LRPAP1: variants seen among roughly 807,000 people sequenced by gnomAD.
LRPAP1 encodes alpha-2-macroglobulin receptor-associated protein.
Under a neutral mutation model 39.9 loss-of-function variants are expected in LRPAP1, and 41 were observed. The observed-to-expected ratio is 1.03, with a 90% CI of 0.80 to 1.33. The LOEUF is 1.33. LRPAP1 is among the 40% of genes most tolerant of loss of function. The pLI is 0.00. For missense variants in LRPAP1, 565 were observed against 482.3 expected (o/e 1.17, Z -1.61); for synonymous variants, 263 against 212.7 (o/e 1.24, Z -2.06).
intron 1 of LRPAP1, among the ~76,000 whole-genome samples, chr4:3,530,690 C>A (rs752740404): frequency 5.3e-5 from 8 of 152,074 alleles, no homozygotes; most frequent in African/African-American, 1.4e-4. Flanking sequence ...GGTAGCTGGA[C>A]CAGTGCAGGG....
chr4:3,526,506 C>G (rs1197673125), intron 1 of LRPAP1, among the ~76,000 whole-genome samples: 2 of 152,240 alleles, frequency 1.3e-5, no homozygotes, highest in Non-Finnish European at 2.9e-5. Context: ...TTACGTAAAA[C>G]AGTGAACATC....
chr4:3,529,149 C>G (rs998279528), intron 1 of LRPAP1, among the ~76,000 whole-genome samples: 5 of 151,958 alleles, frequency 3.3e-5, no homozygotes, highest in African/African-American at 9.7e-5. Flanking sequence ...ATGGTGAAAC[C>G]CCGTCTCTAC....
chr4:3,517,932 G>C, intron 5 of LRPAP1, 102 bp downstream of exon 5: 1 of 1,435,482 alleles, frequency 7.0e-7, no homozygotes, highest in Non-Finnish European at 9.3e-7. Context: ...TGCGTCCACA[G>C]GCCCAGGTTC....
At chr4:3,532,145 C>A in intron 1 of LRPAP1, 64 bp downstream of exon 1, 1 of 1,527,356 alleles carries the variant, frequency 6.5e-7, no homozygotes, top group Non-Finnish European at 8.8e-7. Context: ...GGGCCCCGCT[C>A]CAACGACCCC....
At chr4:3,524,437 C>T (rs571188862) in intron 2 of LRPAP1, among the ~76,000 whole-genome samples, 38 of 152,350 alleles carry the variant, frequency 2.5e-4, no homozygotes, top group Admixed American at 5.9e-4. Context: ...GTGACAGAGC[C>T]TCCTGCTGTC....
intron 2 of LRPAP1, among the ~76,000 whole-genome samples, chr4:3,523,743 T>C (rs1729992450): frequency 6.6e-6 from 1 of 152,212 alleles, no homozygotes; most frequent in Non-Finnish European, 1.5e-5. Context: ...CTGCAATGCC[T>C]GAGGCCATCA....
intron 1 of LRPAP1, among the ~76,000 whole-genome samples, chr4:3,526,235 AG>A (rs139433137): frequency 0.019 from 2,908 of 152,076 alleles, 58 homozygotes; most frequent in Non-Finnish European, 0.023. Context: ...CCCTTCCCTG[AG>A]CACCTGCATT....
intron 1 of LRPAP1, among the ~76,000 whole-genome samples, chr4:3,526,030 G>C (rs1730070843): frequency 6.6e-6 from 1 of 152,268 alleles, no homozygotes; most frequent in African/African-American, 2.4e-5. Flanking sequence ...TGGCCCAGCT[G>C]TGTGAACCAG....
chr4:3,526,866 C>T (rs918738862), intron 1 of LRPAP1, among the ~76,000 whole-genome samples: 8 of 152,212 alleles, frequency 5.3e-5, no homozygotes, highest in African/African-American at 1.9e-4. Context: ...CTCAGAAGCC[C>T]AGCCTGACTC....
rs1306667665 is a variant in LRPAP1 at position 3,504,045 on chromosome 4, A to G, written c.*8929T>C. 1.3e-5 allele frequency: 2 copies of G among 152,470 alleles called. No homozygotes were observed. Among genetic ancestry groups the G allele is most frequent in the Non-Finnish European group, 2.9e-5 (2 of 68,232 alleles). The allele number at this position is 152,470 out of a possible 1,614,324, so 9.4% of individuals were successfully genotyped here. A position where few individuals can be genotyped will look rare whatever the true frequency, so the allele number is the denominator to read the frequency against. ...CCAGGCTCCAGCCCAGCCTCAGGTG[A>G]GAGTGAAGGGAGCACCTATCTGCAG... On this transcript the variant is annotated 3_prime_UTR_variant, in exon 8 of 8. Transcript: ENST00000650182.
At chr4:3,520,305 T>A in intron 2 of LRPAP1, 112 bp from the exon 3 acceptor site, 1 of 1,135,262 alleles carries the variant, frequency 8.8e-7, no homozygotes, top group Non-Finnish European at 1.3e-6. Context: ...CATTTTCCAG[T>A]AGTTTCCTTT....
At chr4:3,518,468 T>G (rs965225562) in intron 4 of LRPAP1, among the ~76,000 whole-genome samples, 2 of 152,220 alleles carry the variant, frequency 1.3e-5, no homozygotes, top group Admixed American at 6.5e-5. Flanking sequence ...TCTGGACCCC[T>G]GCCCTGCCCC....
In LRPAP1 at chr4:3,504,382, G is replaced by C. The variant is rs944800784; in HGVS notation, c.*8592C>G. 11 of 152,260 alleles carry C rather than the reference G, an allele frequency of 7.2e-5. No homozygotes were observed. The highest frequency in any genetic ancestry group is 1.3e-4 in the Non-Finnish European group (9 of 68,100). The allele number at this position is 152,260 out of a possible 1,614,324, so 9.4% of individuals were successfully genotyped here. ...TAATCCCAGCACTTTGGGCAGCCGA[G>C]GTGGGCACATCACTTGAGGTCAGGA... is the stretch of plus-strand genomic sequence containing the variant. On this transcript the variant is annotated 3_prime_UTR_variant, in exon 8 of 8. Transcript: ENST00000650182.
At chr4:3,515,660 G>T (rs1729669186) in intron 6 of LRPAP1, among the ~76,000 whole-genome samples, 1 of 152,154 alleles carries the variant, frequency 6.6e-6, no homozygotes, top group Non-Finnish European at 1.5e-5. Context: ...CCGAGCTGAT[G>T]AATTCTCCAC....
At position 3,505,728 on chromosome 4, in the gene LRPAP1, C is replaced by T. The variant is rs1040288063; in HGVS notation, c.*7246G>A. 2.0e-5 allele frequency among the ~76,000 whole-genome samples: 3 copies of T among 152,252 alleles called. No individual in the cohort carries two copies. The highest frequency in any genetic ancestry group is 2.9e-5 in the Non-Finnish European group (2 of 68,044). ...CCGTCTATACCAGCTACGCCAAGAC[C>T]GTCTATACCAGCTACCCCAAGACCG... On this transcript the variant is annotated 3_prime_UTR_variant, in exon 8 of 8. Transcript: ENST00000650182.
At chr4:3,529,418 C>T (rs373280573) in intron 1 of LRPAP1, among the ~76,000 whole-genome samples, 32 of 152,320 alleles carry the variant, frequency 2.1e-4, no homozygotes, top group East Asian at 1.9e-3. Flanking sequence ...AAGAGGTACA[C>T]GAGTGTGTCC....
At chr4:3,527,764 C>T (rs1057056359) in intron 1 of LRPAP1, among the ~76,000 whole-genome samples, 2 of 152,204 alleles carry the variant, frequency 1.3e-5, no homozygotes, top group African/African-American at 4.8e-5. Flanking sequence ...AGACCCAGGG[C>T]TGCTGAAGTC....
intron 7 of LRPAP1, 84 bp downstream of exon 7, chr4:3,514,668 C>T: frequency 6.7e-7 from 1 of 1,487,540 alleles, no homozygotes; most frequent in Non-Finnish European, 9.0e-7. Context: ...ACCCCATCTA[C>T]AGGAAGCCCT....
At chr4:3,517,779 T>C (rs1729763818) in intron 5 of LRPAP1, 4 of 425,448 alleles carry the variant, frequency 9.4e-6, no homozygotes, top group Non-Finnish European at 1.7e-5. Flanking sequence ...TGGGAAGGGC[T>C]GCTCCCAGGC....
Sources: gnomAD v4.1 joint callset for allele counts (sites outside exome capture counted in the v4.1 genomes callset) on GRCh38, gnomAD v4.1.1 for gene constraint, MANE v1.5 for transcripts, NCBI Gene and HGNC (gene_info 2026-07-23, HGNC 2026-07-21) for gene names.